The following COL15A1 variants were observed in gnomAD, a reference collection of about 807,000 sequenced individuals.
COL15A1 encodes the protein collagen alpha-1(XV) chain.
A neutral mutation model predicts 165.9 loss-of-function variants in COL15A1; 111 were observed. That is an observed-to-expected ratio of 0.67 (90% CI 0.57 to 0.78). COL15A1 has a LOEUF of 0.78. COL15A1 is among the 30% of genes least tolerant of loss of function. The pLI, the probability that COL15A1 is intolerant of heterozygous loss-of-function variation, is 0.00. For synonymous variants in COL15A1, 659 were observed against 674.8 expected, an observed-to-expected ratio of 0.98 and a Z score of 0.36; for missense variants, 1,745 against 1,789.7, an observed-to-expected ratio of 0.98 and a Z score of 0.45.
In COL15A1 at chr9:99,067,062, C is replaced by A. The variant is rs770430869; in HGVS notation, c.3832C>A (p.Leu1278Ile). The A allele has an allele frequency of 3.1e-6, 5 of 1,612,252 alleles. No homozygotes were observed. Among genetic ancestry groups the A allele is most frequent in the Non-Finnish European group, 4.2e-6 (5 of 1,179,036 alleles). Residue 1278 changes from leucine (L) to isoleucine (I), a missense_variant, in exon 40 of 42, where the codon CTC (leucine) becomes ATC (isoleucine). By Grantham distance (5) the Leu-to-Ile change is conservative. Coordinates refer to ENST00000375001, the MANE Select transcript of COL15A1 (RefSeq NM_001855.5). ...GAGATACAGCCTTCCCATAGTGAAC[C>A]TCAAGGTAAAAATAAATATGGTTCC... ...AERYSLPIVNLKGQVLFNNWD... is the reference protein window; with the variant it reads ...AERYSLPIVNIKGQVLFNNWD...
At chr9:99,045,284 G>A (rs13302368) in intron 26 of COL15A1, among the ~76,000 whole-genome samples, 19,174 of 152,148 alleles carry the variant, frequency 0.13, 1,264 homozygotes, top group South Asian at 0.2. Context: ...AATTTCCCAG[G>A]AAACCCTCAA....
In COL15A1 at chr9:99,004,426, A is replaced by G. The variant is rs139673802; in HGVS notation, c.1201-472A>G. Reference sequence around the variant, plus strand: ...CCATTCACGGTGAGTGGCCTTGGGGAGAGCAGCTTCAGGGCTATCGGAGCG... The same window carrying G: ...CCATTCACGGTGAGTGGCCTTGGGGGGAGCAGCTTCAGGGCTATCGGAGCG... On this transcript the variant is annotated intron_variant, in intron 8 of 41. Coordinates refer to ENST00000375001, the MANE Select transcript of COL15A1 (RefSeq NM_001855.5). Among the ~76,000 whole-genome samples the G allele has an allele frequency of 1.1e-4, 17 of 152,214 alleles. No homozygotes were observed. In the East Asian group the frequency reaches 3.3e-3, roughly 29 times the overall value.
chr9:99,060,022 A>G lies in COL15A1; in HGVS notation c.3402+69A>G, dbSNP rs1437121607. 7 of 1,537,758 alleles carry G rather than the reference A, an allele frequency of 4.6e-6. No individual in the cohort carries two copies. The Admixed American group carries it at 1.1e-4, about 25-fold the overall frequency. On this transcript the variant is annotated intron_variant, in intron 36 of 41. Coordinates refer to ENST00000375001, the MANE Select transcript of COL15A1 (RefSeq NM_001855.5). ...AGATATACTTAAAACTCTGCCTACG[A>G]TCTCCTGTGTCTGACATCCCTTGGG... is the stretch of plus-strand genomic sequence containing the variant.
At chr9:98,995,340 AC>A (rs1407264032) in intron 5 of COL15A1, among the ~76,000 whole-genome samples, 1 of 151,270 alleles carries the variant, frequency 6.6e-6, no homozygotes, top group Admixed American at 6.6e-5. Context: ...CTTTACTGCC[AC>A]CCCCCAGTCA....
At chr9:98,977,679 C>T (rs762655198) in intron 2 of COL15A1, among the ~76,000 whole-genome samples, 3 of 151,476 alleles carry the variant, frequency 2.0e-5, no homozygotes, top group Non-Finnish European at 4.4e-5. Context: ...TGCGGGCCAG[C>T]GCCTATCCAT....
At chr9:98,990,119 T>G (rs1189606825) in intron 5 of COL15A1, among the ~76,000 whole-genome samples, 1 of 152,116 alleles carries the variant, frequency 6.6e-6, no homozygotes, top group Non-Finnish European at 1.5e-5. Context: ...AGCAGAGCTG[T>G]GGATGCAGCA....
At chr9:98,987,130 T>C (rs1189538637) in intron 3 of COL15A1, among the ~76,000 whole-genome samples, 164 bp from the exon 4 acceptor site, 1 of 151,916 alleles carries the variant, frequency 6.6e-6, no homozygotes, top group East Asian at 1.9e-4. Context: ...TAACTGAGAG[T>C]GGGCCAAGAG....
chr9:98,980,008 A>T (rs534842090), intron 2 of COL15A1, among the ~76,000 whole-genome samples: 291 of 152,240 alleles, frequency 1.9e-3, no homozygotes, highest in African/African-American at 6.5e-3. Context: ...AAATGAAAAA[A>T]TTAGCTGAGT....
chr9:99,017,175 C>T (rs966432909), intron 11 of COL15A1, among the ~76,000 whole-genome samples: 2 of 152,234 alleles, frequency 1.3e-5, no homozygotes, highest in Non-Finnish European at 2.9e-5. Context: ...TCTGAACTGA[C>T]ATTGATTAAT....
At chr9:99,045,855 G>T (rs1412126523) in intron 26 of COL15A1, among the ~76,000 whole-genome samples, 3 of 152,212 alleles carry the variant, frequency 2.0e-5, no homozygotes, top group Non-Finnish European at 2.9e-5. Flanking sequence ...AGGTTTGTTT[G>T]GTTGAAGTTG....
rs142180718 is a variant in COL15A1 at position 99,065,813 on chromosome 9, G to A, written c.3652-1069G>A. 4.9e-3 allele frequency among the ~76,000 whole-genome samples: 742 copies of A among 151,516 alleles called. 5 individuals carry two copies. Among genetic ancestry groups the A allele is most frequent in the African/African-American group, 0.014 (591 of 41,206 alleles). On this transcript the variant is annotated intron_variant, in intron 39 of 41. Transcript: ENST00000375001. ...CCAGAGATGTGCAAGGGCTGCTTGG[G>A]GCCAGTCTGGACACTCACTGTAGCT...
chr9:99,036,292 A>C, intron 20 of COL15A1, 21 bp from the exon 21 acceptor site: 1 of 1,613,874 alleles, frequency 6.2e-7, no homozygotes, highest in Non-Finnish European at 8.5e-7. Context: ...TTTTTTTCTC[A>C]CTTCTTGCTG....
At chr9:98,951,706 T>A (rs1837690398) in intron 2 of COL15A1, among the ~76,000 whole-genome samples, 1 of 152,014 alleles carries the variant, frequency 6.6e-6, no homozygotes, top group African/African-American at 2.4e-5. Context: ...CTGGATTACA[T>A]ACCCTCATAC....
At chr9:98,952,815 T>C (rs1263529751) in intron 2 of COL15A1, among the ~76,000 whole-genome samples, 3 of 152,252 alleles carry the variant, frequency 2.0e-5, no homozygotes, top group Admixed American at 6.5e-5. Flanking sequence ...TATCTTATCA[T>C]ATAATATTTT....
chr9:99,017,369 G>A (rs1191049013), intron 11 of COL15A1, among the ~76,000 whole-genome samples: 1 of 152,178 alleles, frequency 6.6e-6, no homozygotes, highest in Non-Finnish European at 1.5e-5. Flanking sequence ...TCACCCAGCT[G>A]AAGTCCTCAT....
Position 99,000,954 on chromosome 9 carries a change from G to A in COL15A1, c.1065+3G>A, listed in dbSNP as rs981563400. On this transcript the variant is annotated splice_donor_region_variant and intron_variant, in intron 7 of 41. Transcript: ENST00000375001. ...TCCTTGACATTGCTGAAGAAAAGGT[G>A]AGTAGATGGTAAATTTCATTTGATT... 2 of 1,326,614 alleles carry A rather than the reference G, an allele frequency of 1.5e-6. No individual in the cohort carries two copies. The highest frequency in any genetic ancestry group is 2.3e-5 in the South Asian group (2 of 85,346). The allele number at this position is 1,326,614 out of a possible 1,614,324, so 82.2% of individuals were successfully genotyped here. A position where few individuals can be genotyped will look rare whatever the true frequency, so the allele number is the denominator to read the frequency against.
Position 99,015,859 on chromosome 9 carries a change from A to G in COL15A1, c.1504-117A>G, listed in dbSNP as rs892389708. On this transcript the variant is annotated intron_variant, in intron 10 of 41. Coordinates refer to ENST00000375001, the MANE Select transcript of COL15A1 (RefSeq NM_001855.5). Reference sequence around the variant, plus strand: ...AAGGGGTGTGCTGGGGGTAACGATGATCGTAGGTAAGAACGTGCTTTGAAA... The same window carrying G: ...AAGGGGTGTGCTGGGGGTAACGATGGTCGTAGGTAAGAACGTGCTTTGAAA... 2.1e-5 allele frequency: 26 copies of G among 1,257,954 alleles called. No individual in the cohort carries two copies. The African/African-American group carries it at 3.3e-4, about 16-fold the overall frequency. The allele number at this position is 1,257,954 out of a possible 1,614,324, so 77.9% of individuals were successfully genotyped here. A position where few individuals can be genotyped will look rare whatever the true frequency, so the allele number is the denominator to read the frequency against.
chr9:98,969,656 A>G (rs546731773), intron 2 of COL15A1, among the ~76,000 whole-genome samples: 50 of 152,196 alleles, frequency 3.3e-4, no homozygotes, highest in Non-Finnish European at 6.6e-4. Context: ...AGTCAGGGCA[A>G]TGGGAATAGA....
chr9:98,978,301 T>A (rs1838175007), intron 2 of COL15A1, among the ~76,000 whole-genome samples: 1 of 152,218 alleles, frequency 6.6e-6, no homozygotes, highest in Admixed American at 6.5e-5. Flanking sequence ...TGGGAGCCTC[T>A]CAGGCCCTTC....
Sources: allele counts gnomAD v4.1 joint callset (sites outside exome capture counted in the v4.1 genomes callset), GRCh38; gene constraint gnomAD v4.1.1; transcripts MANE v1.5; gene names NCBI Gene and HGNC (gene_info 2026-07-23, HGNC 2026-07-21).